JPH3: variants seen among roughly 807,000 people sequenced by gnomAD.
JPH3 encodes the protein junctophilin 3.
A neutral mutation model predicts 59.6 loss-of-function variants in JPH3; 11 were observed. That is an observed-to-expected ratio of 0.18 (90% confidence interval 0.12 to 0.31). JPH3 has a LOEUF of 0.31. JPH3 is among the 10% of genes least tolerant of loss of function. The probability of loss-of-function intolerance (pLI) is 1.00; values close to 1 mark genes in which losing one functional copy is unlikely to be tolerated. For missense variants in JPH3, 1,202 were observed against 1,105.7 expected, an observed-to-expected ratio of 1.09 and a Z score of -1.24; for synonymous variants, 673 against 483.6, an observed-to-expected ratio of 1.39 and a Z score of -5.14.
intron 2 of JPH3, among the ~76,000 whole-genome samples, chr16:87,657,654 C>G (rs372328123): frequency 6.6e-6 from 1 of 152,196 alleles, no homozygotes; most frequent in East Asian, 1.9e-4. Flanking sequence ...CTCTTGAGGT[C>G]ACTGTGCCCA....
At chr16:87,643,256 A>G (rs940875709) in intron 1 of JPH3, among the ~76,000 whole-genome samples, 3 of 152,186 alleles carry the variant, frequency 2.0e-5, no homozygotes, top group Non-Finnish European at 2.9e-5. Context: ...GTTCCATCGT[A>G]TGGACGGACC....
intron 2 of JPH3, chr16:87,683,858 G>A (rs1314983272): frequency 2.9e-6 from 1 of 345,348 alleles, no homozygotes; most frequent in East Asian, 6.0e-5. Context: ...TTCCTGCCTT[G>A]GCCTCCCAAA....
At chr16:87,692,186 G>A (rs2033604601) in intron 4 of JPH3, among the ~76,000 whole-genome samples, 1 of 128,308 alleles carries the variant, frequency 7.8e-6, no homozygotes, top group African/African-American at 3.0e-5. Context: ...TGGTGCTGGT[G>A]CAAACAAGGT....
chr16:87,687,268 C>T (rs2033441294), intron 3 of JPH3, among the ~76,000 whole-genome samples: 1 of 152,124 alleles, frequency 6.6e-6, no homozygotes, highest in Non-Finnish European at 1.5e-5. Flanking sequence ...AACAGAGCCT[C>T]CAAGAGGGGA....
At chr16:87,689,502 C>T in intron 3 of JPH3, 144 bp from the exon 4 acceptor site, 1 of 888,674 alleles carries the variant, frequency 1.1e-6, no homozygotes, top group African/African-American at 1.7e-5. Flanking sequence ...TCCCCACTCC[C>T]CTCCCTTGCC....
intron 1 of JPH3, among the ~76,000 whole-genome samples, chr16:87,616,190 T>G (rs911700727): frequency 3.4e-5 from 4 of 116,048 alleles, no homozygotes; most frequent in Admixed American, 9.4e-5. Flanking sequence ...CAATCTGGTT[T>G]TGTGTGTGTG....
At chr16:87,632,178 TA>T (rs1403050264) in intron 1 of JPH3, among the ~76,000 whole-genome samples, 1 of 152,192 alleles carries the variant, frequency 6.6e-6, no homozygotes, top group Non-Finnish European at 1.5e-5. Context: ...CTCTCCTGGA[TA>T]AAGTAATCCT....
upstream of JPH3, chr16:87,602,019 T>G (rs2030213402): frequency 6.6e-6 from 1 of 152,292 alleles, no homozygotes; most frequent in Non-Finnish European, 1.5e-5. Flanking sequence ...CACCTGTGGT[T>G]TGCAAAGGGC....
intron 2 of JPH3, among the ~76,000 whole-genome samples, chr16:87,657,157 G>A (rs979207379): frequency 2.0e-5 from 3 of 152,218 alleles, no homozygotes; most frequent in African/African-American, 7.2e-5. Context: ...TGAGCACCCT[G>A]CCTGTGGGTG....
At chr16:87,689,065 T>C (rs1037680019) in intron 3 of JPH3, among the ~76,000 whole-genome samples, 1 of 152,056 alleles carries the variant, frequency 6.6e-6, no homozygotes, top group Non-Finnish European at 1.5e-5. Flanking sequence ...GACCTCCCCT[T>C]CCGGGGAGCC....
intron 2 of JPH3, among the ~76,000 whole-genome samples, chr16:87,655,335 ATTTTATTTTTTGTGACAGGG>A (rs2032461769): frequency 6.7e-6 from 1 of 149,256 alleles, no homozygotes; most frequent in Admixed American, 6.7e-5. Context: ...AAAACAAATA[ATTTTATTTTTTGTGACAGGG>A]TGTTATTTTT....
chr16:87,608,022 G>T (rs2030590232), intron 1 of JPH3, among the ~76,000 whole-genome samples: 1 of 152,268 alleles, frequency 6.6e-6, no homozygotes, highest in Non-Finnish European at 1.5e-5. Context: ...TACCCACGTT[G>T]GCCGTGAGGC....
intron 2 of JPH3, among the ~76,000 whole-genome samples, chr16:87,678,535 TCACA>T (rs752050073): frequency 6.6e-6 from 1 of 151,032 alleles, no homozygotes. Context: ...CCAGACTCCA[TCACA>T]CACACACACA....
chr16:87,613,499 T>G (rs892543639), intron 1 of JPH3, among the ~76,000 whole-genome samples: 1 of 152,132 alleles, frequency 6.6e-6, no homozygotes, highest in Admixed American at 6.5e-5. Flanking sequence ...TTTTGTATTT[T>G]TGGTAGAGAC....
rs78956679 is a variant in JPH3 at position 87,685,365 on chromosome 16, G to A, written c.1285+1099G>A. 5.1e-3 allele frequency among the ~76,000 whole-genome samples: 778 copies of A among 152,294 alleles called. 3 individuals carry two copies. Among genetic ancestry groups the A allele is most frequent in the African/African-American group, 0.018 (747 of 41,568 alleles). The stretch of plus-strand genomic sequence containing the variant: ...ACTCTCCTGGCCCCTCCAGACACAC[G>A]CACCCCAAAGTGTCCAAGTGGGAGG... On this transcript the variant is annotated intron_variant, in intron 3 of 4. Coordinates refer to ENST00000284262, the MANE Select transcript of JPH3 (RefSeq NM_020655.4).
rs77293359 is a variant in JPH3, at chr16:87,637,187, G to A, written c.383-7071G>A. 5.7e-3 allele frequency among the ~76,000 whole-genome samples: 865 copies of A among 152,252 alleles called. 10 individuals carry two copies. Among genetic ancestry groups the A allele is most frequent in the African/African-American group, 0.019 (792 of 41,540 alleles). ...TGCTCTGCTACCCTCACCTCACTAC[G>A]TTGTTTTATTGGCATAGTATAAAAT... On this transcript the variant is annotated intron_variant, in intron 1 of 4. Transcript: ENST00000284262.
intron 2 of JPH3, among the ~76,000 whole-genome samples, chr16:87,657,533 T>C (rs2032545531): frequency 6.6e-6 from 1 of 152,166 alleles, no homozygotes; most frequent in Admixed American, 6.5e-5. Flanking sequence ...TTTAAAACTG[T>C]TAAAGTGGCA....
chr16:87,618,160 T>C (rs187142052), intron 1 of JPH3, among the ~76,000 whole-genome samples: 12 of 151,878 alleles, frequency 7.9e-5, no homozygotes, highest in Non-Finnish European at 1.6e-4. Flanking sequence ...TGAGACGCTG[T>C]CTCAAAAAAA....
intron 3 of JPH3, among the ~76,000 whole-genome samples, chr16:87,689,244 G>A (rs1358838418): frequency 2.6e-5 from 4 of 152,064 alleles, no homozygotes; most frequent in Non-Finnish European, 4.4e-5. Context: ...GTGACAGCTC[G>A]GCCTCCCCAG....
Sources: gnomAD v4.1 joint callset for allele counts (sites outside exome capture counted in the v4.1 genomes callset) on GRCh38, gnomAD v4.1.1 for gene constraint, MANE v1.5 for transcripts, NCBI Gene and HGNC (gene_info 2026-07-23, HGNC 2026-07-21) for gene names.